The following MRPL9 variants were observed in gnomAD, a reference collection of about 807,000 sequenced individuals.
MRPL9 encodes mitochondrial ribosomal protein L9, also known as large ribosomal subunit protein bL9m.
A neutral mutation model predicts 27.6 loss-of-function variants in MRPL9; 25 were observed. The ratio of observed to expected loss-of-function variants is 0.91; its 90% CI spans 0.66 to 1.27. MRPL9 has a LOEUF of 1.27. Ranked by LOEUF, MRPL9 falls within the 50% of genes most tolerant of loss-of-function variation. The pLI, the probability that MRPL9 is intolerant of heterozygous loss-of-function variation, is 0.00. For missense variants in MRPL9, 362 were observed against 338.0 expected (o/e 1.07, Z -0.56); for synonymous variants, 154 against 139.0 (o/e 1.11, Z -0.76).
chr1:151,760,716 G>A, intron 6 of MRPL9, 100 bp downstream of exon 6: 2 of 1,064,982 alleles, frequency 1.9e-6, no homozygotes, highest in East Asian at 2.5e-5. Flanking sequence ...ATCCAGCCTG[G>A]GCAATGAAAC....
Position 151,759,981 on chromosome 1 carries a change from T to G in MRPL9, c.*69A>C. On this transcript the variant is annotated 3_prime_UTR_variant, in exon 7 of 7. Transcript: ENST00000368830. The stretch of plus-strand genomic sequence containing the variant: ...TATTTGGTCAGAGCTGGGAGTGAGA[T>G]CAGGGTGCTTGCACATTTCTGCTCC... 1 of 1,579,316 alleles carries G rather than the reference T, an allele frequency of 6.3e-7. No individual in the cohort carries two copies. Among genetic ancestry groups the G allele is most frequent in the South Asian group, 1.2e-5 (1 of 86,644 alleles).
intron 2 of MRPL9, 24 bp from the exon 3 acceptor site, chr1:151,762,524 G>A (rs888797813): frequency 1.2e-6 from 2 of 1,612,416 alleles, no homozygotes; most frequent in African/African-American, 2.7e-5. Flanking sequence ...CAGAGACAGG[G>A]GAATTAGAAC....
At position 151,762,129 on chromosome 1, in the gene MRPL9, CT is replaced by C; in HGVS notation, c.461del (p.Lys154ArgfsTer11). ...CCGCCTCACCTGCCTTGGTCTGGAT[CT>C]TCTCTAATTTTCCTTCTTGTCTCAG... The part of the protein sequence containing the change: ...KLLRQEGKLE[K>X]IQTKAGEATV... On this transcript the variant is annotated frameshift_variant, in exon 4 of 7. Coordinates refer to ENST00000368830, the MANE Select transcript of MRPL9 (RefSeq NM_031420.4). LOFTEE classifies it high-confidence loss of function. 6.2e-7 allele frequency: 1 copy of C among 1,614,178 alleles called. No homozygotes were observed. Among genetic ancestry groups the C allele is most frequent in the Non-Finnish European group, 8.5e-7 (1 of 1,180,028 alleles).
Position 151,762,050 on chromosome 1 carries a change from A to G in MRPL9, c.486+55T>C, listed in dbSNP as rs1191618630. 6.4e-6 allele frequency: 10 copies of G among 1,552,976 alleles called. No homozygotes were observed. In the Admixed American group the frequency reaches 1.7e-4, roughly 26 times the overall value. On this transcript the variant is annotated intron_variant, in intron 4 of 6. Coordinates refer to ENST00000368830, the MANE Select transcript of MRPL9 (RefSeq NM_031420.4). ...CCTCAAGGGAATCAGGGAGACTCTC[A>G]GGGTGAGGTTGGTAAGTCTTGTGAC...
Position 151,763,476 on chromosome 1 carries a change from C to G in MRPL9, c.4G>C (p.Ala2Pro), listed in dbSNP as rs1648223462. ...CCCGGGGCCGTGACAACGGGCGCCG[C>G]CATGTTCACAGGCACAGAATGAGAC... Reference protein sequence around the residue: MAAPVVTAPGRA... With the variant: MPAPVVTAPGRA... The change falls in exon 1 of 7, where the codon GCG (alanine) becomes CCG (proline). Residue 2 changes from alanine (A) to proline (P), a missense_variant. Physicochemically the swap from Ala to Pro is conservative, Grantham distance 27. Coordinates refer to ENST00000368830, the MANE Select transcript of MRPL9 (RefSeq NM_031420.4). 6.4e-7 allele frequency: 1 copy of G among 1,574,314 alleles called. No homozygotes were observed.
intron 6 of MRPL9, among the ~76,000 whole-genome samples, 192 bp downstream of exon 6, chr1:151,760,624 T>G: frequency 7.1e-6 from 1 of 141,320 alleles, no homozygotes; most frequent in African/African-American, 2.6e-5. Context: ...GAGAGGTAGG[T>G]GCTAGGTGCG....
At position 151,763,460 on chromosome 1, in the gene MRPL9, G is replaced by C. The variant is rs746575859; in HGVS notation, c.20C>G (p.Thr7Arg). The change falls in exon 1 of 7, where the codon ACG becomes AGG. Residue 7 changes from threonine to arginine, a missense_variant. Coordinates refer to ENST00000368830, the MANE Select transcript of MRPL9 (RefSeq NM_031420.4). MAAPVV[T>R]APGRALLRAG... ...CCGCAGCAGAGCTCTGCCCGGGGCC[G>C]TGACAACGGGCGCCGCCATGTTCAC... 1.2e-5 allele frequency: 19 copies of C among 1,574,472 alleles called. No individual in the cohort carries two copies. Among genetic ancestry groups the C allele is most frequent in the South Asian group, 2.3e-5 (2 of 86,428 alleles).
intron 4 of MRPL9, 30 bp downstream of exon 4, chr1:151,762,075 C>A: frequency 6.2e-7 from 1 of 1,612,542 alleles, no homozygotes; most frequent in Non-Finnish European, 8.5e-7. Context: ...AGTCTTGTGA[C>A]AAATAAACAC....
rs1289609670 is a variant in MRPL9 at position 151,763,440 on chromosome 1, G to A, written c.40C>T (p.Leu14=). The change falls in exon 1 of 7, where the codon CTG becomes TTG. Residue 14 remains leucine (L), a synonymous_variant. Coordinates refer to ENST00000368830, the MANE Select transcript of MRPL9 (RefSeq NM_031420.4). ...AGCAGCCGTCCAGCGCCCGCCCGCA[G>A]CAGAGCTCTGCCCGGGGCCGTGACA... ...PVVTAPGRAL[L]RAGAGRLLRG... 2 of 1,570,642 alleles carry A rather than the reference G, an allele frequency of 1.3e-6. No individual in the cohort carries two copies. Among genetic ancestry groups the A allele is most frequent in the South Asian group, 1.2e-5 (1 of 85,970 alleles).
chr1:151,763,461 T>TGACAACGGGCGCCGC lies in MRPL9; in HGVS notation c.4_18dup (p.Ala2_Val6dup). Reference sequence around the variant, plus strand: ...CGCAGCAGAGCTCTGCCCGGGGCCGTGACAACGGGCGCCGCCATGTTCACA... The same window carrying TGACAACGGGCGCCGC: ...CGCAGCAGAGCTCTGCCCGGGGCCGTGACAACGGGCGCCGCGACAACGGGCGCCGCCATGTTCACA... On this transcript the variant is annotated inframe_insertion, in exon 1 of 7. Coordinates refer to ENST00000368830, the MANE Select transcript of MRPL9 (RefSeq NM_031420.4). The TGACAACGGGCGCCGC allele has an allele frequency of 1.3e-6, 2 of 1,574,892 alleles. No homozygotes were observed. Among genetic ancestry groups the TGACAACGGGCGCCGC allele is most frequent in the Non-Finnish European group, 1.7e-6 (2 of 1,160,896 alleles).
chr1:151,762,580 C>T (rs531773449), intron 2 of MRPL9, 80 bp from the exon 3 acceptor site: 17 of 1,440,128 alleles, frequency 1.2e-5, no homozygotes, highest in Non-Finnish European at 1.5e-5. Flanking sequence ...AGAAGCACCT[C>T]TTAGTTTCTC....
At chr1:151,762,636 G>T in intron 2 of MRPL9, 136 bp from the exon 3 acceptor site, 8 of 896,622 alleles carry the variant, frequency 8.9e-6, no homozygotes, top group Non-Finnish European at 1.3e-5. Context: ...ATATTCACTA[G>T]GAACAAGATT....
chr1:151,761,934 T>C (rs1247326558), intron 4 of MRPL9, 171 bp downstream of exon 4: 1 of 653,586 alleles, frequency 1.5e-6, no homozygotes, highest in East Asian at 2.7e-5. Flanking sequence ...ACCCAACACA[T>C]CAGGGATCTC....
chr1:151,763,049 T>C lies in MRPL9; in HGVS notation c.251A>G (p.Glu84Gly), dbSNP rs762441325. ...HRRHRVYKLVEDTKHRPKENL... is the reference protein window; with the variant it reads ...HRRHRVYKLVGDTKHRPKENL... The stretch of plus-strand genomic sequence containing the variant: ...TTCTTTGGGCCGATGCTTCGTGTCC[T>C]CCACCAGCTTATAGACGCGATGTCG... Residue 84 changes from glutamate (E) to glycine (G), a missense_variant, in exon 2 of 7, where the codon GAG becomes GGG. By Grantham distance (98) the Glu-to-Gly change is moderately conservative. Coordinates refer to ENST00000368830, the MANE Select transcript of MRPL9 (RefSeq NM_031420.4). 2.5e-6 allele frequency: 4 copies of C among 1,614,082 alleles called. No individual in the cohort carries two copies. Among genetic ancestry groups the C allele is most frequent in the Non-Finnish European group, 3.4e-6 (4 of 1,180,040 alleles).
rs988081230 is a variant in MRPL9 at position 151,761,867 on chromosome 1, T to C, written c.486+238A>G. 20 of 599,174 alleles carry C rather than the reference T, an allele frequency of 3.3e-5. No individual in the cohort carries two copies. The Admixed American group carries it at 5.6e-4, about 17-fold the overall frequency. 37.1% of individuals were successfully genotyped at this position (599,174 alleles called of 1,614,324 possible). On this transcript the variant is annotated intron_variant, in intron 4 of 6. Coordinates refer to ENST00000368830, the MANE Select transcript of MRPL9 (RefSeq NM_031420.4). ...AAGGCAGAGCCCTCATCTCAGACTA[T>C]TCCATGGGTTCCCTGATTCCCAGAT... is the stretch of plus-strand genomic sequence containing the variant.
At chr1:151,761,619 A>ATCTTGCTTGGCT in intron 4 of MRPL9, 67 bp from the exon 5 acceptor site, 1 of 1,215,712 alleles carries the variant, frequency 8.2e-7, no homozygotes, top group Non-Finnish European at 1.2e-6. Flanking sequence ...TATGCAAGCC[A>ATCTTGCTTGGCT]AGCAAGATGG....
chr1:151,760,477 T>C (rs1648011871), intron 6 of MRPL9, among the ~76,000 whole-genome samples: 1 of 143,296 alleles, frequency 7.0e-6, no homozygotes, highest in South Asian at 2.2e-4. Context: ...CTAGGGGGAC[T>C]GAGGCAGAAG....
intron 2 of MRPL9, 188 bp downstream of exon 2, chr1:151,762,802 G>T: frequency 1.3e-6 from 1 of 791,854 alleles, no homozygotes; most frequent in Non-Finnish European, 2.0e-6. Flanking sequence ...CTGCCTTTAT[G>T]TTTTAATTTT....
intron 2 of MRPL9, 73 bp downstream of exon 2, chr1:151,762,917 A>G (rs1648169200): frequency 2.0e-6 from 3 of 1,530,274 alleles, no homozygotes; most frequent in Non-Finnish European, 2.7e-6. Flanking sequence ...CAAATAGTTG[A>G]GGGGGACGGG....
Sources: gnomAD v4.1 joint callset for allele counts (sites outside exome capture counted in the v4.1 genomes callset) on GRCh38, gnomAD v4.1.1 for gene constraint, MANE v1.5 for transcripts, NCBI Gene and HGNC (gene_info 2026-07-23, HGNC 2026-07-21) for gene names.